ATM: variants seen among roughly 807,000 people sequenced by gnomAD.
The protein encoded by ATM is ATM serine/threonine kinase.
A neutral mutation model predicts 387.0 loss-of-function variants in ATM; 308 were observed. That is an observed-to-expected ratio of 0.80 (90% CI 0.73 to 0.87). The LOEUF (loss-of-function observed/expected upper bound fraction) is 0.87. Ranked by LOEUF, ATM falls within the 40% of genes least tolerant of loss-of-function variation. The pLI, the probability that ATM is intolerant of heterozygous loss-of-function variation, is 0.00. For missense variants in ATM, 3,312 were observed against 3,560.9 expected, an observed-to-expected ratio of 0.93 and a Z score of 1.78; for synonymous variants, 1,156 against 1,187.3, an observed-to-expected ratio of 0.97 and a Z score of 0.54.
Position 108,320,083 on chromosome 11 carries a change from G to A in ATM, c.6452+25G>A, listed in dbSNP as rs761600797. On this transcript the variant is annotated intron_variant, in intron 44 of 62. Coordinates refer to ENST00000675843, the MANE Select transcript of ATM (RefSeq NM_000051.4). ...GGTATTATGAAAAGACAAAGTTACT[G>A]TATTTTAACATTTAATGTCATGGCT... 2.9e-5 allele frequency: 43 copies of A among 1,500,654 alleles called. No homozygotes were observed. In the East Asian group the frequency reaches 7.7e-4, roughly 27 times the overall value. 93.0% of individuals were successfully genotyped at this position (1,500,654 alleles called of 1,614,324 possible). A position where few individuals can be genotyped will look rare whatever the true frequency, so the allele number is the denominator to read the frequency against.
At chr11:108,299,317 T>TC (rs2083291653) in intron 33 of ATM, among the ~76,000 whole-genome samples, 2 of 39,142 alleles carry the variant, frequency 5.1e-5, no homozygotes, top group African/African-American at 1.1e-4. Flanking sequence ...CTCTCTCTCT[T>TC]TTTTTTTTTT....
intron 4 of ATM, chr11:108,231,555 G>T (rs949816640): frequency 3.3e-5 from 5 of 152,122 alleles, no homozygotes; most frequent in African/African-American, 4.8e-5. Context: ...AAATAGCTGG[G>T]TGTGGTGGCG....
chr11:108,315,652 G>A (rs1010136437), intron 40 of ATM, among the ~76,000 whole-genome samples, 171 bp from the exon 41 acceptor site: 2 of 152,020 alleles, frequency 1.3e-5, no homozygotes, highest in African/African-American at 2.4e-5. Context: ...TCAAACTCGT[G>A]TTGTTTGAAC....
At chr11:108,305,966 C>A (rs1352753065) in intron 37 of ATM, among the ~76,000 whole-genome samples, 2 of 152,150 alleles carry the variant, frequency 1.3e-5, no homozygotes, top group Non-Finnish European at 2.9e-5. Flanking sequence ...AATTCTAATA[C>A]AAATGTTGAT....
rs137891269 is a variant in ATM, at chr11:108,236,086, C to T, written c.496+252C>T. On this transcript the variant is annotated intron_variant, in intron 5 of 62. Transcript: ENST00000675843. ...TACAGTTGAAAAATACCATCTCCAT[C>T]GTCAAGGAGTTGACAGTGGCAGAAG... 1.2e-5 allele frequency: 6 copies of T among 486,194 alleles called. No homozygotes were observed. The East Asian group carries it at 2.0e-4, about 16-fold the overall frequency. 30.1% of individuals were successfully genotyped at this position (486,194 alleles called of 1,614,324 possible).
Position 108,368,894 on chromosome 11 carries a change from T to G in ATM, c.*3386T>G, listed in dbSNP as rs754664818. 5.0e-6 allele frequency: 1 copy of G among 199,592 alleles called. No homozygotes were observed. Among genetic ancestry groups the G allele is most frequent in the African/African-American group, 2.3e-5 (1 of 43,446 alleles). The allele number at this position is 199,592 out of a possible 1,614,324, so 12.4% of individuals were successfully genotyped here. On this transcript the variant is annotated 3_prime_UTR_variant, in exon 63 of 63. Transcript: ENST00000675843. ...CAAATAAAAGCAAAGAGGAAAAACT[T>G]TGGACAGCGTAAAGACTAGAATAGT...
chr11:108,302,943 A>T lies in ATM; in HGVS notation c.5410A>T (p.Ile1804Phe), dbSNP rs769872474. 2.0e-5 allele frequency: 32 copies of T among 1,613,380 alleles called. No individual in the cohort carries two copies. Among genetic ancestry groups the T allele is most frequent in the Non-Finnish European group, 2.7e-5 (32 of 1,179,496 alleles). Reference protein sequence around the residue: ...LWIPLSENHDIWIKTLTCAFL... With the variant: ...LWIPLSENHDFWIKTLTCAFL... ...GATTCCTCTAAGTGAAAATCATGAC[A>T]TTTGGATAAAGACACTGACTTGTGC... The change falls in exon 36 of 63, where the codon ATT becomes TTT. Residue 1804 changes from isoleucine (I) to phenylalanine (F), a missense_variant. Coordinates refer to ENST00000675843, the MANE Select transcript of ATM (RefSeq NM_000051.4).
intron 31 of ATM, among the ~76,000 whole-genome samples, chr11:108,293,877 CAAAAA>C (rs33977155): frequency 8.3e-4 from 88 of 106,122 alleles, no homozygotes; most frequent in African/African-American, 3.0e-3. Flanking sequence ...GACCCTGTCT[CAAAAA>C]AAAAAAAAAA....
intron 8 of ATM, among the ~76,000 whole-genome samples, chr11:108,247,375 T>C (rs2079907138): frequency 1.3e-5 from 2 of 152,144 alleles, no homozygotes; most frequent in African/African-American, 4.8e-5. Flanking sequence ...CTCTAGGAAA[T>C]AAGGTGACCC....
intron 59 of ATM, among the ~76,000 whole-genome samples, chr11:108,348,452 G>T (rs1020978861): frequency 6.6e-6 from 1 of 150,606 alleles, no homozygotes; most frequent in Non-Finnish European, 1.5e-5. Context: ...AATATATATA[G>T]CTAAGAAATA....
chr11:108,334,646 T>C (rs773907738), intron 54 of ATM, among the ~76,000 whole-genome samples: 6 of 152,180 alleles, frequency 3.9e-5, no homozygotes, highest in Admixed American at 1.3e-4. Context: ...GCTAGGTGAT[T>C]TCGCTGAATG....
chr11:108,338,401 T>C (rs1194679379), intron 56 of ATM, among the ~76,000 whole-genome samples: 1 of 152,032 alleles, frequency 6.6e-6, no homozygotes. Context: ...ATGCCTGTAA[T>C]CTCAGCACTT....
chr11:108,287,414 C>T (rs902151266), intron 26 of ATM, 186 bp from the exon 27 acceptor site: 1 of 444,142 alleles, frequency 2.3e-6, no homozygotes, highest in Non-Finnish European at 3.9e-6. Flanking sequence ...TCTTAGTCTA[C>T]AGGTTGGCTG....
intron 32 of ATM, chr11:108,295,806 A>G (rs1312476424): frequency 6.6e-6 from 1 of 152,124 alleles, no homozygotes; most frequent in African/African-American, 2.4e-5. Context: ...GGCACCTGCC[A>G]CCATGCCTGG....
intron 4 of ATM, 37 bp downstream of exon 4, chr11:108,229,360 CAG>C: frequency 3.9e-6 from 6 of 1,542,458 alleles, no homozygotes; most frequent in South Asian, 3.5e-5. Context: ...AATGGCTTAA[CAG>C]ATTACTGTCG....
intron 62 of ATM, 28 bp downstream of exon 62, chr11:108,365,246 TGTC>T (rs759282582): frequency 2.7e-5 from 44 of 1,614,084 alleles, no homozygotes; most frequent in Non-Finnish European, 3.6e-5. Context: ...AAGGTCCTGT[TGTC>T]AGTTTTTCAG....
In ATM at chr11:108,325,249, G is replaced by GT. The variant is rs11366542; in HGVS notation, c.6573-42dup. 8,382 of 563,522 alleles carry GT rather than the reference G, an allele frequency of 0.015. 74 individuals are homozygous for GT. Among genetic ancestry groups the GT allele is most frequent in the African/African-American group, 0.073 (3,051 of 41,662 alleles). The allele number at this position is 563,522 out of a possible 1,614,324, so 34.9% of individuals were successfully genotyped here. ...TATCGTAAGTTCCAGAACTTACATA[G>GT]TTTTTTTTTTTTTTTTTTTCATTTC... is the stretch of plus-strand genomic sequence containing the variant. On this transcript the variant is annotated intron_variant, in intron 45 of 62. Coordinates refer to ENST00000675843, the MANE Select transcript of ATM (RefSeq NM_000051.4).
At chr11:108,240,248 T>G (rs1005883473) in intron 5 of ATM, among the ~76,000 whole-genome samples, 1 of 152,218 alleles carries the variant, frequency 6.6e-6, no homozygotes, top group African/African-American at 2.4e-5. Context: ...ATGGTAACAA[T>G]TTTTCACTAT....
chr11:108,334,915 T>C, intron 54 of ATM, 54 bp from the exon 55 acceptor site: 7 of 1,560,178 alleles, frequency 4.5e-6, no homozygotes, highest in Non-Finnish European at 5.3e-6. Context: ...TATTTTTCTT[T>C]AAGTGCAAAT....
Sources: gnomAD v4.1 joint callset for allele counts (sites outside exome capture counted in the v4.1 genomes callset) on GRCh38, gnomAD v4.1.1 for gene constraint, MANE v1.5 for transcripts, NCBI Gene and HGNC (gene_info 2026-07-23, HGNC 2026-07-21) for gene names.